The following MCPH1 variants were observed in gnomAD, a reference collection of about 807,000 sequenced individuals.
The protein encoded by MCPH1 is microcephalin.
Under a neutral mutation model 84.5 loss-of-function variants are expected in MCPH1, and 104 were observed. The ratio of observed to expected loss-of-function variants is 1.23; its 90% CI spans 1.05 to 1.45. The LOEUF is 1.45. Ranked by LOEUF, MCPH1 falls within the 40% of genes most tolerant of loss-of-function variation. MCPH1 has a pLI of 0.00. For missense variants in MCPH1, 1,498 were observed against 1,005.7 expected, an observed-to-expected ratio of 1.49 and a Z score of -6.62; for synonymous variants, 514 against 366.8, an observed-to-expected ratio of 1.40 and a Z score of -4.58.
intron 3 of MCPH1, among the ~76,000 whole-genome samples, chr8:6,423,519 A>G (rs1476823509): frequency 2.0e-5 from 3 of 152,092 alleles, no homozygotes; most frequent in African/African-American, 2.4e-5. Context: ...GTACATGCAG[A>G]TGCATCCCAC....
intron 11 of MCPH1, among the ~76,000 whole-genome samples, chr8:6,489,669 A>G (rs944167258): frequency 6.6e-6 from 1 of 152,176 alleles, no homozygotes; most frequent in African/African-American, 2.4e-5. Flanking sequence ...TGCTGCTGCT[A>G]CATCAGAGAG....
intron 12 of MCPH1, among the ~76,000 whole-genome samples, chr8:6,528,205 C>A (rs1818753848): frequency 6.6e-6 from 1 of 152,140 alleles, no homozygotes. Context: ...GCCGTTATGT[C>A]TCTATCTTGG....
intron 11 of MCPH1, among the ~76,000 whole-genome samples, chr8:6,485,265 C>T (rs1011440806): frequency 5.3e-5 from 8 of 151,768 alleles, no homozygotes. Context: ...GAGGAGGTTG[C>T]AGTGAGCCGA....
In MCPH1 at chr8:6,489,436, C is replaced by T. The variant is rs534677622; in HGVS notation, c.2136+8560C>T. Reference sequence around the variant, plus strand: ...GAAGGATGCTCAGCTGTGCTGAGTGCTGCTGGAAGGTGAATAAGAGGAGAC... The same window carrying T: ...GAAGGATGCTCAGCTGTGCTGAGTGTTGCTGGAAGGTGAATAAGAGGAGAC... On this transcript the variant is annotated intron_variant, in intron 11 of 13. Coordinates refer to ENST00000344683, the MANE Select transcript of MCPH1 (RefSeq NM_024596.5). 7.9e-5 allele frequency among the ~76,000 whole-genome samples: 12 copies of T among 152,142 alleles called. No homozygotes were observed. In the South Asian group the frequency reaches 2.1e-3, roughly 26 times the overall value.
At chr8:6,422,709 G>T (rs1405420824) in intron 3 of MCPH1, among the ~76,000 whole-genome samples, 1 of 152,152 alleles carries the variant, frequency 6.6e-6, no homozygotes, top group African/African-American at 2.4e-5. Context: ...CTTTTCTGGA[G>T]ACTGAGTCTC....
At chr8:6,539,958 T>C (rs1004277103) in intron 12 of MCPH1, among the ~76,000 whole-genome samples, 9 of 152,194 alleles carry the variant, frequency 5.9e-5, no homozygotes, top group African/African-American at 2.2e-4. Context: ...TTCGCTAGTA[T>C]AAGAGACTGA....
At chr8:6,636,569 T>C (rs1658069206) in intron 13 of MCPH1, among the ~76,000 whole-genome samples, 2 of 152,114 alleles carry the variant, frequency 1.3e-5, no homozygotes, top group Admixed American at 6.5e-5. Context: ...AGCCTCTAAC[T>C]CCTGGCCTCA....
chr8:6,481,024 C>G (rs1323783197), intron 11 of MCPH1, 148 bp downstream of exon 11: 2 of 999,594 alleles, frequency 2.0e-6, no homozygotes, highest in Middle Eastern at 3.1e-4. Context: ...CGTCTTTCCT[C>G]CTGTTGGTCT....
At chr8:6,478,817 G>A (rs914459610) in intron 10 of MCPH1, among the ~76,000 whole-genome samples, 2 of 151,882 alleles carry the variant, frequency 1.3e-5, no homozygotes, top group African/African-American at 4.8e-5. Context: ...ACACATTCTC[G>A]GGTTGAAGTA....
At chr8:6,565,471 G>A (rs1040706463) in intron 12 of MCPH1, among the ~76,000 whole-genome samples, 6 of 152,106 alleles carry the variant, frequency 3.9e-5, no homozygotes, top group Non-Finnish European at 7.3e-5. Context: ...TTGTTGCCCA[G>A]GCTGGTCTTG....
At chr8:6,505,719 T>A (rs1252744976) in intron 12 of MCPH1, among the ~76,000 whole-genome samples, 1 of 88,050 alleles carries the variant, frequency 1.1e-5, no homozygotes, top group African/African-American at 3.0e-5. Flanking sequence ...GTATATATAT[T>A]CTATATATAT....
intron 12 of MCPH1, among the ~76,000 whole-genome samples, chr8:6,525,136 C>T (rs1439814604): frequency 6.6e-6 from 1 of 152,206 alleles, no homozygotes; most frequent in Non-Finnish European, 1.5e-5. Flanking sequence ...CAATATTAAC[C>T]AGCCAAGGAA....
chr8:6,422,265 C>G (rs1278552388), intron 3 of MCPH1, among the ~76,000 whole-genome samples: 2 of 151,954 alleles, frequency 1.3e-5, no homozygotes, highest in Admixed American at 6.6e-5. Context: ...TTTGTTCTAA[C>G]AAATTATGAA....
chr8:6,602,483 G>C (rs902821885), intron 12 of MCPH1, among the ~76,000 whole-genome samples: 3 of 152,146 alleles, frequency 2.0e-5, no homozygotes, highest in Non-Finnish European at 2.9e-5. Context: ...GGAGAATCTG[G>C]ATGCATGCGG....
At chr8:6,532,587 A>G in intron 12 of MCPH1, 1 of 892,444 alleles carries the variant, frequency 1.1e-6, no homozygotes. Flanking sequence ...AAAAAAAAAA[A>G]AAAAATCTAT....
chr8:6,542,598 T>G (rs775436150), intron 12 of MCPH1, among the ~76,000 whole-genome samples: 1 of 99,454 alleles, frequency 1.0e-5, no homozygotes, highest in East Asian at 2.9e-4. Flanking sequence ...TATTCTTATC[T>G]TAAAAAAAAA....
intron 3 of MCPH1, among the ~76,000 whole-genome samples, chr8:6,421,668 C>G (rs1442825435): frequency 1.3e-5 from 2 of 152,186 alleles, no homozygotes; most frequent in African/African-American, 4.8e-5. Flanking sequence ...TAGTCAGTGG[C>G]TGCCTCTGTA....
At chr8:6,515,182 C>G (rs1203497706) in intron 12 of MCPH1, among the ~76,000 whole-genome samples, 3 of 150,644 alleles carry the variant, frequency 2.0e-5, no homozygotes, top group African/African-American at 7.3e-5. Flanking sequence ...CTTGTGTTCA[C>G]AGCCTTGAAA....
chr8:6,624,321 C>T (rs1015302077), intron 13 of MCPH1, among the ~76,000 whole-genome samples: 9 of 152,230 alleles, frequency 5.9e-5, no homozygotes, highest in Non-Finnish European at 1.2e-4. Flanking sequence ...CCCTTGGTAA[C>T]ATCTGGGTAT....
Sources: allele counts gnomAD v4.1 joint callset (sites outside exome capture counted in the v4.1 genomes callset), GRCh38; gene constraint gnomAD v4.1.1; transcripts MANE v1.5; gene names NCBI Gene and HGNC (gene_info 2026-07-23, HGNC 2026-07-21).